Variants in LZIC observed in about 807,000 individuals in gnomAD.
The protein encoded by LZIC is protein LZIC.
LZIC carries 28 observed loss-of-function variants against 25.4 expected under a neutral mutation model. The ratio of observed to expected loss-of-function variants is 1.10; its 90% CI spans 0.82 to 1.51. LZIC has a LOEUF of 1.51. LZIC is among the 40% of genes most tolerant of loss of function. The probability of loss-of-function intolerance (pLI) is 0.00; values close to 1 mark genes in which losing one functional copy is unlikely to be tolerated. For missense variants in LZIC, 170 were observed against 211.1 expected (o/e 0.81, Z 1.21); for synonymous variants, 65 against 70.7 (o/e 0.92, Z 0.40).
At chr1:9,930,597 C>G in intron 7 of LZIC, 140 bp from the exon 8 acceptor site, 1 of 1,172,954 alleles carries the variant, frequency 8.5e-7, no homozygotes, top group Non-Finnish European at 1.2e-6. Context: ...TTAACCCCTA[C>G]ACGTTCCCAT....
At chr1:9,922,833 A>G (rs1262817602), downstream of LZIC, among the ~76,000 whole-genome samples, 1 of 152,202 alleles carries the variant, frequency 6.6e-6, no homozygotes, top group Non-Finnish European at 1.5e-5. Flanking sequence ...AACATATAGA[A>G]GCAGCATGCT....
downstream of LZIC, among the ~76,000 whole-genome samples, chr1:9,924,268 A>G (rs922811833): frequency 2.0e-5 from 3 of 152,246 alleles, no homozygotes; most frequent in African/African-American, 7.2e-5. Flanking sequence ...GCCGCTATAT[A>G]TCTAAATGTA....
At position 9,937,817 on chromosome 1, in the gene LZIC, T is replaced by C. The variant is rs189703383; in HGVS notation, c.-8-1190A>G. Among the ~76,000 whole-genome samples the C allele has an allele frequency of 5.7e-5, 7 of 122,104 alleles. No homozygotes were observed. In the Admixed American group the frequency reaches 7.5e-4, roughly 13 times the overall value. 80.1% of individuals were successfully genotyped at this position (122,104 alleles called of 152,430 possible). ...GAGCCATGATCTTGCCACTCCACTC[T>C]GGCCTGGTTGACAGAGCGAGACCCT... is the stretch of plus-strand genomic sequence containing the variant. On this transcript the variant is annotated intron_variant, in intron 2 of 7. Transcript: ENST00000377223.
rs1203257750 is a variant in LZIC at position 9,928,394 on chromosome 1, A to C, written c.*2005T>G. 6.6e-6 allele frequency among the ~76,000 whole-genome samples: 1 copy of C among 152,230 alleles called. No homozygotes were observed. The highest frequency in any genetic ancestry group is 1.5e-5 in the Non-Finnish European group (1 of 68,046). ...GTGTACACCCAAAAAAATTGAAAAC[A>C]GGTATTCAAACAAATATTTGTACAC... On this transcript the variant is annotated 3_prime_UTR_variant, in exon 8 of 8. Coordinates refer to ENST00000377223, the MANE Select transcript of LZIC (RefSeq NM_032368.5).
chr1:9,942,240 CT>C (rs1640786685), intron 2 of LZIC, among the ~76,000 whole-genome samples: 1 of 152,140 alleles, frequency 6.6e-6, no homozygotes, highest in African/African-American at 2.4e-5. Flanking sequence ...CTATTTAGCA[CT>C]TATTTCTGCC....
Position 9,929,878 on chromosome 1 carries a change from G to C in LZIC, c.*521C>G. ...AGTCTTACCCTCAGCTCTCTGATGC[G>C]ACTTTAAGCAAAGTCGCTTGCTCTT... On this transcript the variant is annotated 3_prime_UTR_variant, in exon 8 of 8. Coordinates refer to ENST00000377223, the MANE Select transcript of LZIC (RefSeq NM_032368.5). 5 of 963,800 alleles carry C rather than the reference G, an allele frequency of 5.2e-6. No homozygotes were observed. Among genetic ancestry groups the C allele is most frequent in the Non-Finnish European group, 6.2e-6 (5 of 810,332 alleles). The allele number at this position is 963,800 out of a possible 1,614,324, so 59.7% of individuals were successfully genotyped here. A position where few individuals can be genotyped will look rare whatever the true frequency, so the allele number is the denominator to read the frequency against.
chr1:9,939,621 G>A (rs1024921730), intron 2 of LZIC, among the ~76,000 whole-genome samples: 6 of 146,050 alleles, frequency 4.1e-5, no homozygotes, highest in Non-Finnish European at 8.9e-5. Flanking sequence ...TAAAATGCTG[G>A]GATTACAGGC....
intron 2 of LZIC, among the ~76,000 whole-genome samples, chr1:9,937,980 A>T (rs1640534721): frequency 6.6e-6 from 1 of 151,602 alleles, no homozygotes; most frequent in Non-Finnish European, 1.5e-5. Context: ...AGTCCTCTTT[A>T]TGTGACTTGA....
At chr1:9,936,466 G>C in intron 3 of LZIC, 53 bp downstream of exon 3, 1 of 1,164,594 alleles carries the variant, frequency 8.6e-7, no homozygotes, top group South Asian at 1.2e-5. Context: ...CACGGAGCTA[G>C]CTGCAGAAAA....
intron 2 of LZIC, among the ~76,000 whole-genome samples, chr1:9,941,500 C>CTTTTTT (rs1217006418): frequency 7.6e-6 from 1 of 132,448 alleles, no homozygotes. Context: ...TAGCCTTTAC[C>CTTTTTT]TTTTTTTTTT....
intron 5 of LZIC, among the ~76,000 whole-genome samples, chr1:9,933,410 A>T (rs1442695546): frequency 6.6e-6 from 1 of 151,840 alleles, no homozygotes; most frequent in Non-Finnish European, 1.5e-5. Context: ...TAGAAATGTT[A>T]AATGCAGTTC....
Position 9,935,007 on chromosome 1 carries a change from A to G in LZIC, c.238-147T>C, listed in dbSNP as rs748985768. On this transcript the variant is annotated intron_variant, in intron 4 of 7. Coordinates refer to ENST00000377223, the MANE Select transcript of LZIC (RefSeq NM_032368.5). ...CACAACTAAATGAAGATCTGGAAGG[A>G]TATGTTGTGTATGCATAAACAGACA... 66 of 686,354 alleles carry G rather than the reference A, an allele frequency of 9.6e-5. No homozygotes were observed. In the Middle Eastern group the frequency reaches 1.9e-3, roughly 20 times the overall value. The allele number at this position is 686,354 out of a possible 1,614,324, so 42.5% of individuals were successfully genotyped here. A position where few individuals can be genotyped will look rare whatever the true frequency, so the allele number is the denominator to read the frequency against.
At chr1:9,936,885 A>C (rs1243539365) in intron 2 of LZIC, among the ~76,000 whole-genome samples, 2 of 152,250 alleles carry the variant, frequency 1.3e-5, no homozygotes, top group Non-Finnish European at 2.9e-5. Flanking sequence ...TAATCCCAGC[A>C]CTTTGGGAGG....
chr1:9,935,697 G>A (rs538903595), intron 3 of LZIC, 70 bp from the exon 4 acceptor site: 2 of 1,340,992 alleles, frequency 1.5e-6, no homozygotes, highest in African/African-American at 1.5e-5. Context: ...CTTAATACTT[G>A]TACATTAGAG....
chr1:9,933,936 C>T (rs915837081), intron 5 of LZIC, among the ~76,000 whole-genome samples: 1 of 151,440 alleles, frequency 6.6e-6, no homozygotes, highest in African/African-American at 2.4e-5. Flanking sequence ...AAACAAAAAA[C>T]AAACAAAAGG....
At position 9,934,663 on chromosome 1, in the gene LZIC, A is replaced by G. The variant is rs150758797; in HGVS notation, c.336+99T>C. 326 of 1,000,854 alleles carry G rather than the reference A, an allele frequency of 3.3e-4. 2 individuals carry two copies. In the African/African-American group the frequency reaches 4.5e-3, roughly 14 times the overall value. The allele number at this position is 1,000,854 out of a possible 1,614,324, so 62.0% of individuals were successfully genotyped here. ...TCAGAAAATTGTTAGTTGTGGCTCTAAAATCACCTGGCAAATTTTTAAGCC... is the reference window on the plus strand; with the variant it reads ...TCAGAAAATTGTTAGTTGTGGCTCTGAAATCACCTGGCAAATTTTTAAGCC... On this transcript the variant is annotated intron_variant, in intron 5 of 7. Coordinates refer to ENST00000377223, the MANE Select transcript of LZIC (RefSeq NM_032368.5).
rs529136538 is a variant in LZIC, at chr1:9,940,614, A to T, written c.-9+2010T>A. Among the ~76,000 whole-genome samples the T allele has an allele frequency of 3.9e-5, 6 of 152,340 alleles. No homozygotes were observed. In the East Asian group the frequency reaches 1.2e-3, roughly 29 times the overall value. ...GTTACAGGCGTGAGCCACCGCACAC[A>T]GCATTAAAGCATGTTTTATTTTCCT... On this transcript the variant is annotated intron_variant, in intron 2 of 7. Transcript: ENST00000377223.
At position 9,929,642 on chromosome 1, in the gene LZIC, A is replaced by G; in HGVS notation, c.*757T>C. ...TTAGGAAACGCTCAACAGGGCTCCC[A>G]TTGTTCCAACCTCAAAATTCCGAGA... On this transcript the variant is annotated 3_prime_UTR_variant, in exon 8 of 8. Transcript: ENST00000377223. 3.0e-6 allele frequency: 3 copies of G among 985,410 alleles called. No homozygotes were observed. The highest frequency in any genetic ancestry group is 3.5e-5 in the African/African-American group (2 of 57,366). The allele number at this position is 985,410 out of a possible 1,614,324, so 61.0% of individuals were successfully genotyped here. A position where few individuals can be genotyped will look rare whatever the true frequency, so the allele number is the denominator to read the frequency against.
Position 9,931,891 on chromosome 1 carries a change from C to T in LZIC, c.514G>A (p.Gly172Ser). ...SQFEKVSTDL[G>S]SGDKILALAS... is the part of the protein sequence containing the mutation. ...CTTTCAGAAATATGAGGGCACTCAC[C>T]AAGGTCTGTAGAGACTTTCTCAAAC... Residue 172 changes from glycine to serine, a missense_variant and splice_region_variant, in exon 7 of 8, where the codon GGC (glycine) becomes AGC (serine). Physicochemically the swap from Gly to Ser is moderately conservative, Grantham distance 56. Transcript: ENST00000377223. 6.2e-7 allele frequency: 1 copy of T among 1,609,546 alleles called. No homozygotes were observed. The highest frequency in any genetic ancestry group is 8.5e-7 in the Non-Finnish European group (1 of 1,177,506).
Sources: gnomAD v4.1 joint callset for allele counts (sites outside exome capture counted in the v4.1 genomes callset) on GRCh38, gnomAD v4.1.1 for gene constraint, MANE v1.5 for transcripts, NCBI Gene and HGNC (gene_info 2026-07-23, HGNC 2026-07-21) for gene names.